The following PRELID2 variants were observed in gnomAD, a reference collection of about 807,000 sequenced individuals.
PRELID2 encodes the protein PRELI domain containing 2, also known as PRELI domain-containing protein 2.
Under a neutral mutation model 28.4 loss-of-function variants are expected in PRELID2, and 25 were observed. The observed-to-expected ratio is 0.88, with a 90% confidence interval of 0.64 to 1.23. The LOEUF (loss-of-function observed/expected upper bound fraction) is 1.23, where lower values mean the gene tolerates loss of function less well. Ranked by LOEUF, PRELID2 falls within the 50% of genes most tolerant of loss-of-function variation. The pLI, the probability that PRELID2 is intolerant of heterozygous loss-of-function variation, is 0.00. For synonymous variants in PRELID2, 76 were observed against 71.6 expected (o/e 1.06, Z -0.31); for missense variants, 201 against 214.4 (o/e 0.94, Z 0.39).
chr5:145,280,542 C>A, the PRELID2 span, among the ~76,000 whole-genome samples: 1,825 of 151,956 alleles, frequency 0.012, 46 homozygotes, highest in African/African-American at 0.043. Context: ...AGGAGATATA[C>A]CTAATGCTAA....
the PRELID2 span, among the ~76,000 whole-genome samples, chr5:145,442,915 T>C: frequency 3.9e-5 from 6 of 152,008 alleles, no homozygotes; most frequent in Admixed American, 1.3e-4. Context: ...CAGAAGGGAT[T>C]ATGCCTTAAC....
chr5:145,334,376 T>A, the PRELID2 span, among the ~76,000 whole-genome samples: 2 of 152,234 alleles, frequency 1.3e-5, no homozygotes, highest in African/African-American at 4.8e-5. Context: ...AAAAACTTTA[T>A]CTTATTAATG....
chr5:145,811,612 A>G (rs1416861461), intron 4 of PRELID2, among the ~76,000 whole-genome samples: 1 of 152,148 alleles, frequency 6.6e-6, no homozygotes, highest in East Asian at 1.9e-4. Context: ...GCAGATGCCT[A>G]CTCAGTTACT....
At chr5:145,329,461 A>G in the PRELID2 span, among the ~76,000 whole-genome samples, 38 of 152,156 alleles carry the variant, frequency 2.5e-4, no homozygotes, top group Middle Eastern at 0.014. Flanking sequence ...TTCCTTGAGC[A>G]CTGGTTTGTA....
intron 5 of PRELID2, among the ~76,000 whole-genome samples, chr5:145,783,165 T>C (rs932939666): frequency 1.3e-5 from 2 of 152,194 alleles, no homozygotes; most frequent in African/African-American, 4.8e-5. Context: ...TCTAGTTTCA[T>C]AGAAGGCAAC....
chr5:145,821,307 GTGTATGTGTGTAAGCCCTCTTCTGTGTA>G (rs1754807466), intron 2 of PRELID2, among the ~76,000 whole-genome samples: 2 of 150,610 alleles, frequency 1.3e-5, no homozygotes, highest in African/African-American at 4.9e-5. Context: ...TTCTGTGTGT[GTGTATGTGTGTAAGCCCTCTTCTGTGTA>G]TGTGTGTGTA....
At chr5:145,676,080 C>T (rs907431456) in intron 1 of PRELID2, among the ~76,000 whole-genome samples, 11 of 151,794 alleles carry the variant, frequency 7.2e-5, no homozygotes, top group African/African-American at 2.4e-4. Context: ...ATTAGCCGGG[C>T]GTGGTGGCAC....
intron 1 of PRELID2, among the ~76,000 whole-genome samples, chr5:145,537,378 G>T (rs1752707948): frequency 6.6e-6 from 1 of 151,808 alleles, no homozygotes; most frequent in Non-Finnish European, 1.5e-5. Context: ...TTCTATTTTT[G>T]ATATTTTCGG....
At chr5:145,382,475 G>A in the PRELID2 span, among the ~76,000 whole-genome samples, 2 of 151,874 alleles carry the variant, frequency 1.3e-5, no homozygotes, top group African/African-American at 4.8e-5. Flanking sequence ...CTTGACAGAA[G>A]CCAGAGAATA....
chr5:145,252,510 T>C, the PRELID2 span, among the ~76,000 whole-genome samples: 2 of 152,154 alleles, frequency 1.3e-5, no homozygotes, highest in Non-Finnish European at 2.9e-5. Flanking sequence ...AATTAGATAA[T>C]GCCTTTGAAG....
At chr5:145,376,738 A>G in the PRELID2 span, among the ~76,000 whole-genome samples, 36 of 152,174 alleles carry the variant, frequency 2.4e-4, no homozygotes, top group African/African-American at 7.5e-4. Flanking sequence ...CAATGGTAAT[A>G]TCTCCCTTGT....
chr5:145,410,535 T>C, the PRELID2 span, among the ~76,000 whole-genome samples: 1 of 152,194 alleles, frequency 6.6e-6, no homozygotes, highest in Non-Finnish European at 1.5e-5. Context: ...CTTACAATCA[T>C]GGCAGAAAGC....
At chr5:145,468,759 G>A (rs1358115356), downstream of PRELID2, among the ~76,000 whole-genome samples, 1 of 152,106 alleles carries the variant, frequency 6.6e-6, no homozygotes, top group Non-Finnish European at 1.5e-5. Flanking sequence ...ACTTGATGGG[G>A]TTGTTTGTTT....
intron 1 of PRELID2, among the ~76,000 whole-genome samples, chr5:145,600,406 T>C (rs1753374280): frequency 7.4e-6 from 1 of 135,342 alleles, no homozygotes; most frequent in Non-Finnish European, 1.5e-5. Flanking sequence ...AGGCATGAGC[T>C]TCTCTCAGGG....
the PRELID2 span, among the ~76,000 whole-genome samples, chr5:145,448,154 G>T: frequency 1.3e-5 from 2 of 151,702 alleles, no homozygotes; most frequent in African/African-American, 4.8e-5. Context: ...ACTTTTTAAT[G>T]ATTGCCATTC....
intron 1 of PRELID2, among the ~76,000 whole-genome samples, chr5:145,560,339 T>C (rs1752915965): frequency 6.6e-6 from 1 of 152,222 alleles, no homozygotes; most frequent in Non-Finnish European, 1.5e-5. Context: ...AACTGTAGTT[T>C]CATTATTATA....
the PRELID2 span, among the ~76,000 whole-genome samples, chr5:145,312,262 G>A: frequency 5.3e-5 from 8 of 152,188 alleles, no homozygotes; most frequent in African/African-American, 1.9e-4. Flanking sequence ...GCTGAGGTGG[G>A]ATCACTTGAG....
intron 1 of PRELID2, among the ~76,000 whole-genome samples, chr5:145,584,821 T>G (rs949082228): frequency 2.6e-5 from 4 of 152,266 alleles, no homozygotes; most frequent in African/African-American, 9.6e-5. Context: ...AAGGGAACAC[T>G]TTTACACTGT....
downstream of PRELID2, among the ~76,000 whole-genome samples, chr5:145,470,161 A>G (rs1400658404): frequency 6.6e-6 from 1 of 152,142 alleles, no homozygotes; most frequent in Non-Finnish European, 1.5e-5. Flanking sequence ...CTTTTCGTCT[A>G]AAGGGCCAGA....
Sources: gnomAD v4.1 joint callset for allele counts (sites outside exome capture counted in the v4.1 genomes callset) on GRCh38, gnomAD v4.1.1 for gene constraint, MANE v1.5 for transcripts, NCBI Gene and HGNC (gene_info 2026-07-23, HGNC 2026-07-21) for gene names.